TRPC5: variants seen among roughly 807,000 people sequenced by gnomAD.
The protein encoded by TRPC5 is short transient receptor potential channel 5.
Under a neutral mutation model 56.5 loss-of-function variants are expected in TRPC5, and 9 were observed. That is an observed-to-expected ratio of 0.16 (90% confidence interval 0.10 to 0.28). The LOEUF is 0.28. Ranked by LOEUF, TRPC5 falls within the 10% of genes least tolerant of loss-of-function variation. The probability of loss-of-function intolerance (pLI) is 1.00; values close to 1 mark genes in which losing one functional copy is unlikely to be tolerated. For missense variants in TRPC5, 469 were observed against 748.9 expected (o/e 0.63, Z 4.36); for synonymous variants, 282 against 278.5 (o/e 1.01, Z -0.13).
chrX:111,952,553 A>G (rs771018048), intron 1 of TRPC5, 112 bp from the exon 2 acceptor site: 4 of 740,691 alleles, frequency 5.4e-6, no homozygotes. Flanking sequence ...AACTACTTCA[A>G]TGACGCCGTC....
chrX:111,915,406 C>T (rs1221575070), intron 2 of TRPC5, among the ~76,000 whole-genome samples: 1 of 111,605 alleles, frequency 9.0e-6, no homozygotes, highest in African/African-American at 3.3e-5. Context: ...GCTTTTTCTC[C>T]TCCTATCAGT....
chrX:111,908,353 A>G (rs1005400605), intron 3 of TRPC5, among the ~76,000 whole-genome samples: 1 of 111,907 alleles, frequency 8.9e-6, no homozygotes, highest in African/African-American at 3.2e-5. Context: ...CTTAGTTTGA[A>G]GAGAAACTAA....
intron 1 of TRPC5, among the ~76,000 whole-genome samples, chrX:112,062,089 G>T (rs920791546): frequency 9.0e-6 from 1 of 111,484 alleles, no homozygotes; most frequent in African/African-American, 3.3e-5. Context: ...GAATTTAATT[G>T]TATTGGCTCC....
intron 1 of TRPC5, among the ~76,000 whole-genome samples, chrX:111,960,015 AT>A (rs1927333269): frequency 8.9e-6 from 1 of 112,273 alleles, no homozygotes; most frequent in African/African-American, 3.2e-5. Flanking sequence ...ACAAGTGGCT[AT>A]TTAAATTTAA....
At chrX:111,882,835 C>T (rs1414976608) in intron 3 of TRPC5, among the ~76,000 whole-genome samples, 3 of 112,066 alleles carry the variant, frequency 2.7e-5, no homozygotes, top group African/African-American at 6.5e-5. Flanking sequence ...CCTGTAATCC[C>T]AGCACTTTGG....
chrX:111,799,910 GA>G (rs376442557), intron 7 of TRPC5, among the ~76,000 whole-genome samples: 3 of 112,036 alleles, frequency 2.7e-5, no homozygotes, highest in African/African-American at 9.7e-5. Flanking sequence ...AGACAATGAG[GA>G]AGAATGTGAA....
intron 1 of TRPC5, among the ~76,000 whole-genome samples, chrX:112,000,367 G>A (rs1480933022): frequency 8.9e-6 from 1 of 112,106 alleles, no homozygotes; most frequent in African/African-American, 3.2e-5. Context: ...ACCAAAGCAC[G>A]TACAGAAATA....
chrX:111,787,676 AAAG>A (rs1945979312), intron 7 of TRPC5, among the ~76,000 whole-genome samples: 1 of 111,373 alleles, frequency 9.0e-6, no homozygotes, highest in Non-Finnish European at 1.9e-5. Context: ...CAAGACTAAT[AAAG>A]AAGAAAAGAG....
chrX:111,963,187 G>T (rs1927440285), intron 1 of TRPC5, among the ~76,000 whole-genome samples: 1 of 112,071 alleles, frequency 8.9e-6, no homozygotes, highest in Non-Finnish European at 1.9e-5. Flanking sequence ...TCCCGCACAT[G>T]GCTCAGAGGG....
chrX:111,842,138 A>ATATATAT (rs1922773714), intron 6 of TRPC5, among the ~76,000 whole-genome samples: 1 of 87,344 alleles, frequency 1.1e-5, no homozygotes, highest in African/African-American at 6.5e-5. Flanking sequence ...ATATGTATAT[A>ATATATAT]TATATATATG....
intron 6 of TRPC5, among the ~76,000 whole-genome samples, chrX:111,837,906 C>CAA (rs757607444): frequency 0.051 from 2,192 of 42,623 alleles, 133 homozygotes; most frequent in African/African-American, 0.14. Flanking sequence ...GCCCCGTTAT[C>CAA]AAAAAAAAAA....
Position 111,905,642 on chromosome X carries a change from C to T in TRPC5, c.900+6649G>A, listed in dbSNP as rs146794772. Among the ~76,000 whole-genome samples the T allele has an allele frequency of 7.9e-3, 877 of 111,670 alleles. 5 individuals are homozygous for T. Among genetic ancestry groups the T allele is most frequent in the African/African-American group, 0.027 (822 of 30,695 alleles). On this transcript the variant is annotated intron_variant, in intron 3 of 10. Transcript: ENST00000262839. The stretch of plus-strand genomic sequence containing the variant: ...GAAAAATGCTGAAGGCGGCCGGACG[C>T]GGTGGCTCACGCCTGTAATCCCAGC...
At position 112,053,158 on chromosome X, in the gene TRPC5, G is replaced by A. The variant is rs547383241; in HGVS notation, c.-22+28721C>T. On this transcript the variant is annotated intron_variant, in intron 1 of 10. Coordinates refer to ENST00000262839, the MANE Select transcript of TRPC5 (RefSeq NM_012471.3). The stretch of plus-strand genomic sequence containing the variant: ...TTAATGACAACATTAGTGTACTCAA[G>A]GAGAAAGCAGTCTAACTGGAAGTAT... 1.5e-4 allele frequency among the ~76,000 whole-genome samples: 17 copies of A among 111,711 alleles called. No individual in the cohort carries two copies. In the South Asian group the frequency reaches 6.4e-3, roughly 42 times the overall value.
At chrX:111,898,054 C>CAGTCTTTAA (rs1308694090) in intron 3 of TRPC5, among the ~76,000 whole-genome samples, 1 of 109,778 alleles carries the variant, frequency 9.1e-6, no homozygotes, top group African/African-American at 3.3e-5. Context: ...TTGATGTTGT[C>CAGTCTTTAA]AGTCTTTAAT....
chrX:111,936,214 G>A (rs1223362755), intron 2 of TRPC5, among the ~76,000 whole-genome samples: 1 of 111,235 alleles, frequency 9.0e-6, no homozygotes, highest in Admixed American at 9.6e-5. Context: ...TTGTACCTAT[G>A]GTAAATGAGA....
intron 1 of TRPC5, among the ~76,000 whole-genome samples, chrX:112,069,397 C>A (rs982699351): frequency 9.0e-6 from 1 of 111,557 alleles, no homozygotes; most frequent in African/African-American, 3.3e-5. Context: ...TCCAGATGAG[C>A]CTGGAAGCCT....
chrX:111,948,728 A>C (rs1334021702), intron 2 of TRPC5, among the ~76,000 whole-genome samples: 1 of 102,618 alleles, frequency 9.7e-6, no homozygotes, highest in African/African-American at 3.7e-5. Flanking sequence ...TGAGACTCCA[A>C]CTCCAAAAAA....
At chrX:111,899,849 T>A (rs1156451647) in intron 3 of TRPC5, among the ~76,000 whole-genome samples, 1 of 111,410 alleles carries the variant, frequency 9.0e-6, no homozygotes, top group Non-Finnish European at 1.9e-5. Context: ...AACAAACAGA[T>A]CCTTTGAATT....
chrX:111,829,058 C>T (rs903924162), intron 7 of TRPC5, among the ~76,000 whole-genome samples: 1 of 110,988 alleles, frequency 9.0e-6, no homozygotes, highest in Admixed American at 9.6e-5. Flanking sequence ...AATCCCAGCA[C>T]TTTGGGAGGC....
Sources: allele counts gnomAD v4.1 joint callset (sites outside exome capture counted in the v4.1 genomes callset), GRCh38; gene constraint gnomAD v4.1.1; transcripts MANE v1.5; gene names NCBI Gene and HGNC (gene_info 2026-07-23, HGNC 2026-07-21).